SMARCA1: variants seen among roughly 807,000 people sequenced by gnomAD.
SMARCA1 encodes the protein SNF2 related chromatin remodeling ATPase 1, also known as SWI/SNF-related matrix-associated actin-dependent regulator of chromatin subfamily A member 1.
In SMARCA1, 17 loss-of-function variants were observed where a neutral mutation model predicts 93.6. The observed-to-expected ratio is 0.18, with a 90% CI of 0.12 to 0.27. The LOEUF (loss-of-function observed/expected upper bound fraction) is 0.27. Ranked by LOEUF, SMARCA1 falls within the 10% of genes least tolerant of loss-of-function variation. SMARCA1 has a pLI of 1.00. For synonymous variants in SMARCA1, 271 were observed against 271.4 expected, an observed-to-expected ratio of 1.00 and a Z score of 0.01; for missense variants, 630 against 819.0, an observed-to-expected ratio of 0.77 and a Z score of 2.82.
Position 129,523,270 on chromosome X carries a change from G to C in SMARCA1, c.101C>G (p.Ser34Cys), listed in dbSNP as rs1347950318. The change falls in exon 1 of 25, where the codon TCT becomes TGT. Residue 34 changes from serine to cysteine, a missense_variant. By Grantham distance (112) the Ser-to-Cys change is moderately radical. This residue lies in a region of SMARCA1 where 103 missense variants were observed against 82.0 expected (regional missense o/e 1.26). Coordinates refer to ENST00000371121, the MANE Select transcript of SMARCA1 (RefSeq NM_001282874.2). ...CGCGGCGGCCGCTCCCTCCTCCTGA[G>C]AGGTGGACGGCCCGGGCTGCTCGTC... ...IEDEQPGPST[S>C]QEEGAAAAAT... 8.3e-7 allele frequency: 1 copy of C among 1,208,472 alleles called. No homozygotes were observed.
chrX:129,448,250 T>C, intron 24 of SMARCA1, 83 bp downstream of exon 24: 2 of 909,947 alleles, frequency 2.2e-6, no homozygotes, highest in Admixed American at 2.7e-5. Flanking sequence ...GCTATCACTA[T>C]GGCATTAAAC....
At chrX:129,508,324 C>A (rs1286940016) in intron 6 of SMARCA1, among the ~76,000 whole-genome samples, 1 of 111,699 alleles carries the variant, frequency 9.0e-6, no homozygotes, top group Non-Finnish European at 1.9e-5. Flanking sequence ...GAAACAAAGG[C>A]TTCCCTTACA....
Position 129,504,778 on chromosome X carries a change from T to C in SMARCA1, c.1123A>G (p.Lys375Glu). 1 of 1,203,145 alleles carries C rather than the reference T, an allele frequency of 8.3e-7. No individual in the cohort carries two copies. The highest frequency in any genetic ancestry group is 1.1e-6 in the Non-Finnish European group (1 of 888,106). ...AGTTTTTGATCACCAAGACAATTTT[T>C]AGTGTCAAACCAAGAATCAAAGTCC... ...ADDFDSWFDT[K>E]NCLGDQKLVE... Residue 375 changes from lysine to glutamate, a missense_variant, in exon 9 of 25, where the codon AAA (lysine) becomes GAA (glutamate). Lys to Glu is a moderately conservative substitution (Grantham distance 56). Coordinates refer to ENST00000371121, the MANE Select transcript of SMARCA1 (RefSeq NM_001282874.2).
chrX:129,461,963 C>A (rs1210546450), intron 23 of SMARCA1, among the ~76,000 whole-genome samples: 1 of 111,779 alleles, frequency 8.9e-6, no homozygotes, highest in Non-Finnish European at 1.9e-5. Flanking sequence ...TCAAAGAAAT[C>A]TGCAACCTTT....
In SMARCA1 at chrX:129,446,675, A is replaced by C. The variant is rs1162854164; in HGVS notation, c.*487T>G. The C allele has an allele frequency of 1.8e-5, 2 of 112,358 alleles. No homozygotes were observed. Among genetic ancestry groups the C allele is most frequent in the Non-Finnish European group, 3.8e-5 (2 of 53,298 alleles). The allele number at this position is 112,358 out of a possible 1,213,427, so 9.3% of individuals were successfully genotyped here. A position where few individuals can be genotyped will look rare whatever the true frequency, so the allele number is the denominator to read the frequency against. On this transcript the variant is annotated 3_prime_UTR_variant, in exon 25 of 25. Coordinates refer to ENST00000371121, the MANE Select transcript of SMARCA1 (RefSeq NM_001282874.2). The stretch of plus-strand genomic sequence containing the variant: ...ATATTTAGATGACCTCAAAGAAACA[A>C]TTATTATGCTAATCACAGTATGCAG...
At chrX:129,494,375 A>G (rs1602702117) in intron 12 of SMARCA1, among the ~76,000 whole-genome samples, 1 of 111,904 alleles carries the variant, frequency 8.9e-6, no homozygotes, top group East Asian at 2.8e-4. Context: ...AGAGAGTGAA[A>G]AAACTATAGC....
intron 23 of SMARCA1, among the ~76,000 whole-genome samples, chrX:129,454,607 A>C (rs1275097899): frequency 8.9e-6 from 1 of 111,838 alleles, no homozygotes; most frequent in Non-Finnish European, 1.9e-5. Flanking sequence ...AAACCCAAAC[A>C]ACCCCATTAA....
intron 17 of SMARCA1, among the ~76,000 whole-genome samples, chrX:129,484,381 A>G (rs1225323698): frequency 8.9e-6 from 1 of 111,820 alleles, no homozygotes; most frequent in Non-Finnish European, 1.9e-5. Flanking sequence ...AGGATAAAAT[A>G]TAAGCCGTCT....
At chrX:129,485,325 C>T (rs763607262) in intron 17 of SMARCA1, among the ~76,000 whole-genome samples, 174 of 112,185 alleles carry the variant, frequency 1.6e-3, no homozygotes, top group Middle Eastern at 9.1e-3. Flanking sequence ...TTGCATGGGG[C>T]TTGGTACCCC....
chrX:129,491,429 G>A (rs1934124926), intron 14 of SMARCA1, among the ~76,000 whole-genome samples: 2 of 111,568 alleles, frequency 1.8e-5, no homozygotes, highest in African/African-American at 6.5e-5. Flanking sequence ...GTTTTTAAGT[G>A]TAGAATAGCT....
intron 12 of SMARCA1, 125 bp downstream of exon 12, chrX:129,496,625 T>G: frequency 3.9e-6 from 2 of 510,179 alleles, no homozygotes; most frequent in Non-Finnish European, 6.5e-6. Flanking sequence ...GAGAAAGAGA[T>G]GCTAATGAGA....
intron 17 of SMARCA1, among the ~76,000 whole-genome samples, chrX:129,483,711 T>C (rs1203938277): frequency 8.9e-6 from 1 of 111,885 alleles, no homozygotes; most frequent in Non-Finnish European, 1.9e-5. Flanking sequence ...GAATAAATCA[T>C]ACCGAATTAG....
At position 129,468,797 on chromosome X, in the gene SMARCA1, G is replaced by A; in HGVS notation, c.2674C>T (p.Pro892Ser). 1.7e-6 allele frequency: 2 copies of A among 1,188,814 alleles called. No homozygotes were observed. The highest frequency in any genetic ancestry group is 2.3e-6 in the Non-Finnish European group (2 of 877,697). The change falls in exon 21 of 25, where the codon CCT (proline) becomes TCT (serine). Residue 892 changes from proline (P) to serine (S), a missense_variant. This residue lies in a region of SMARCA1 where 93 missense variants were observed against 160.8 expected (regional missense o/e 0.58). Coordinates refer to ENST00000371121, the MANE Select transcript of SMARCA1 (RefSeq NM_001282874.2). Reference protein sequence around the residue: ...NIAREVEGKSPEEVMEYSAVF... With the variant: ...NIAREVEGKSSEEVMEYSAVF... ...CCTGAATACTCCATGACCTCCTCAG[G>A]GGATTTGCCCTCTACCTCTCGAGCT...
intron 17 of SMARCA1, among the ~76,000 whole-genome samples, chrX:129,485,053 C>A (rs936690011): frequency 8.9e-6 from 1 of 112,549 alleles, no homozygotes; most frequent in African/African-American, 3.2e-5. Flanking sequence ...AAGTCCCCAA[C>A]AAGGGCACTG....
At chrX:129,460,610 A>T (rs764618065) in intron 23 of SMARCA1, among the ~76,000 whole-genome samples, 1 of 111,722 alleles carries the variant, frequency 9.0e-6, no homozygotes, top group Non-Finnish European at 1.9e-5. Context: ...AAGAAAAAAA[A>T]AATTAGCTGT....
At chrX:129,485,093 C>T (rs183627229) in intron 17 of SMARCA1, among the ~76,000 whole-genome samples, 64 of 112,094 alleles carry the variant, frequency 5.7e-4, no homozygotes, top group African/African-American at 2.0e-3. Context: ...TTGCAGGGAC[C>T]CTAGAATTAC....
intron 2 of SMARCA1, among the ~76,000 whole-genome samples, chrX:129,517,253 G>A (rs903708201): frequency 9.0e-6 from 1 of 110,983 alleles, no homozygotes; most frequent in African/African-American, 3.3e-5. Flanking sequence ...GTCAGGGAAC[G>A]TGTACCATAT....
chrX:129,468,047 C>T (rs1215411977), intron 21 of SMARCA1, among the ~76,000 whole-genome samples: 1 of 112,780 alleles, frequency 8.9e-6, no homozygotes, highest in African/African-American at 3.2e-5. Context: ...TAGCTAAACA[C>T]GAAGAGGTTT....
intron 17 of SMARCA1, 133 bp downstream of exon 17, chrX:129,486,885 T>C (rs1933915517): frequency 1.2e-5 from 6 of 513,822 alleles, no homozygotes; most frequent in Non-Finnish European, 1.7e-5. Flanking sequence ...ATACCTTGCA[T>C]GAGATATTTA....
Sources: gnomAD v4.1 joint callset for allele counts (sites outside exome capture counted in the v4.1 genomes callset) on GRCh38, gnomAD v4.1.1 for gene constraint, gnomAD v4.1.1 regional missense constraint, MANE v1.5 for transcripts, NCBI Gene and HGNC (gene_info 2026-07-23, HGNC 2026-07-21) for gene names.